COMMD10: variants seen among roughly 807,000 people sequenced by gnomAD.
COMMD10 encodes the protein COMM domain-containing protein 10.
COMMD10 carries 33 observed loss-of-function variants against 28.9 expected under a neutral mutation model. The ratio of observed to expected loss-of-function variants is 1.14; its 90% confidence interval spans 0.87 to 1.53. COMMD10 has a LOEUF of 1.53. COMMD10 is among the 40% of genes most tolerant of loss of function. The probability of loss-of-function intolerance (pLI) is 0.00; values close to 1 mark genes in which losing one functional copy is unlikely to be tolerated. For missense variants in COMMD10, 310 were observed against 233.4 expected, an observed-to-expected ratio of 1.33 and a Z score of -2.14; for synonymous variants, 110 against 81.7, an observed-to-expected ratio of 1.35 and a Z score of -1.87.
chr5:116,108,081 C>G (rs946071574), intron 4 of COMMD10, among the ~76,000 whole-genome samples: 2 of 152,164 alleles, frequency 1.3e-5, no homozygotes, highest in African/African-American at 2.4e-5. Flanking sequence ...GATGCCAGCC[C>G]CAGCTCTCCT....
intron 5 of COMMD10, among the ~76,000 whole-genome samples, chr5:116,227,300 T>A (rs80311946): frequency 0.013 from 2,006 of 152,154 alleles, 52 homozygotes; most frequent in African/African-American, 0.046. Flanking sequence ...TTGATTTCCT[T>A]TGAACAAACA....
chr5:116,286,414 GTT>G (rs550622190), intron 5 of COMMD10, among the ~76,000 whole-genome samples: 1 of 140,170 alleles, frequency 7.1e-6, no homozygotes. Context: ...TGACCTTAGG[GTT>G]TTTTTTTTTT....
intron 5 of COMMD10, among the ~76,000 whole-genome samples, chr5:116,193,942 GA>G (rs1471772248): frequency 6.6e-6 from 1 of 152,002 alleles, no homozygotes; most frequent in East Asian, 1.9e-4. Context: ...ATAAATTTAA[GA>G]AAACTGAAAT....
chr5:116,193,641 A>C (rs1004555745), intron 5 of COMMD10, among the ~76,000 whole-genome samples: 5 of 152,132 alleles, frequency 3.3e-5, no homozygotes, highest in Admixed American at 3.3e-4. Flanking sequence ...AAACATATGC[A>C]CCTAACACTG....
intron 5 of COMMD10, among the ~76,000 whole-genome samples, chr5:116,148,046 TATA>T (rs1225255438): frequency 6.6e-6 from 1 of 151,836 alleles, no homozygotes; most frequent in East Asian, 1.9e-4. Context: ...TTTTGGTAAA[TATA>T]ATTTATTTAT....
At position 116,186,933 on chromosome 5, in the gene COMMD10, C is replaced by T. The variant is rs148809281; in HGVS notation, c.510+52755C>T. On this transcript the variant is annotated intron_variant, in intron 5 of 6. Transcript: ENST00000274458. ...ATATATACTTTTCCATTATTGTCCT[C>T]TCCTTTTTGCTTTAAAAATAACTAG... 1.4e-4 allele frequency among the ~76,000 whole-genome samples: 22 copies of T among 152,286 alleles called. No individual in the cohort carries two copies. The East Asian group carries it at 3.5e-3, about 24-fold the overall frequency.
In COMMD10 at chr5:116,212,496, C is replaced by CTGTGTGTGTGTGTGTGTGTGTGTGTG. The variant is rs11268771; in HGVS notation, c.510+78320_510+78345dup. On this transcript the variant is annotated intron_variant, in intron 5 of 6. Coordinates refer to ENST00000274458, the MANE Select transcript of COMMD10 (RefSeq NM_016144.4). Reference sequence around the variant, plus strand: ...TCCAGTGACAGAAGGTACTGAAATGCTGTGTGTGTGTGTGTGTGTGTGTGT... The same window carrying CTGTGTGTGTGTGTGTGTGTGTGTGTG: ...TCCAGTGACAGAAGGTACTGAAATGCTGTGTGTGTGTGTGTGTGTGTGTGTGTGTGTGTGTGTGTGTGTGTGTGTGT... Among the ~76,000 whole-genome samples the CTGTGTGTGTGTGTGTGTGTGTGTGTG allele has an allele frequency of 5.4e-3, 342 of 63,846 alleles. 9 individuals are homozygous for CTGTGTGTGTGTGTGTGTGTGTGTGTG. The highest frequency in any genetic ancestry group is 0.028 in the East Asian group (58 of 2,104). 41.9% of individuals were successfully genotyped at this position (63,846 alleles called of 152,430 possible).
chr5:116,130,616 G>A (rs1751833280), intron 4 of COMMD10, among the ~76,000 whole-genome samples: 1 of 152,048 alleles, frequency 6.6e-6, no homozygotes, highest in Non-Finnish European at 1.5e-5. Context: ...GCGTTTTTCT[G>A]AGACAAGTTT....
chr5:116,250,069 A>G (rs1320539809), intron 5 of COMMD10, among the ~76,000 whole-genome samples: 3 of 151,886 alleles, frequency 2.0e-5, no homozygotes, highest in South Asian at 2.1e-4. Flanking sequence ...ATGTATTACC[A>G]TAGTTGATCT....
intron 5 of COMMD10, among the ~76,000 whole-genome samples, chr5:116,181,106 T>G (rs1326725695): frequency 6.6e-6 from 1 of 152,070 alleles, no homozygotes; most frequent in African/African-American, 2.4e-5. Context: ...ATTGTGCCAC[T>G]GTACTTCAGC....
Position 116,248,469 on chromosome 5 carries a change from G to C in COMMD10, c.511-43048G>C, listed in dbSNP as rs148090221. Among the ~76,000 whole-genome samples the C allele has an allele frequency of 6.6e-4, 101 of 152,132 alleles. 2 individuals are homozygous for C. In the East Asian group the frequency reaches 0.014, roughly 22 times the overall value. On this transcript the variant is annotated intron_variant, in intron 5 of 6. Transcript: ENST00000274458. ...TCCGGAAAGGTAAAGGAAGATAGGA[G>C]AGAGTAAAGCCCTTAGTGCTGATCT...
chr5:116,255,663 A>C (rs1580588133), intron 5 of COMMD10: 1 of 151,600 alleles, frequency 6.6e-6, no homozygotes, highest in Admixed American at 6.6e-5. Context: ...TTTTAGTTTG[A>C]ATTTAATAAT....
intron 5 of COMMD10, among the ~76,000 whole-genome samples, chr5:116,181,780 T>TC (rs1255494274): frequency 6.6e-6 from 1 of 152,104 alleles, no homozygotes; most frequent in Non-Finnish European, 1.5e-5. Flanking sequence ...GGCAACATGA[T>TC]CTTGCTTATC....
intron 5 of COMMD10, among the ~76,000 whole-genome samples, chr5:116,267,186 A>T (rs575509722): frequency 6.6e-6 from 1 of 152,056 alleles, no homozygotes; most frequent in East Asian, 1.9e-4. Flanking sequence ...ATGATTGTGT[A>T]TTTAGAAAAC....
chr5:116,280,318 G>T (rs1751038493), intron 5 of COMMD10, among the ~76,000 whole-genome samples: 1 of 151,850 alleles, frequency 6.6e-6, no homozygotes, highest in Admixed American at 6.6e-5. Context: ...CTCTGCCTAG[G>T]ATGCTTTGCT....
At chr5:116,189,422 T>C (rs1042573864) in intron 5 of COMMD10, among the ~76,000 whole-genome samples, 2 of 152,266 alleles carry the variant, frequency 1.3e-5, no homozygotes, top group South Asian at 4.2e-4. Flanking sequence ...TCCTAGGCTG[T>C]CTTTTTTCCA....
In COMMD10 at chr5:116,159,099, C is replaced by T. The variant is rs1046092213; in HGVS notation, c.510+24921C>T. Among the ~76,000 whole-genome samples, 191 of 152,162 alleles carry T rather than the reference C, an allele frequency of 1.3e-3. 1 individual carries two copies. Among genetic ancestry groups the T allele is most frequent in the African/African-American group, 4.4e-3 (182 of 41,436 alleles). On this transcript the variant is annotated intron_variant, in intron 5 of 6. Transcript: ENST00000274458. Reference sequence around the variant, plus strand: ...TTTGTCTTCTATAGTGTGTTGTTCTCATAATAGTCATACTTTTAAAATATA... The same window carrying T: ...TTTGTCTTCTATAGTGTGTTGTTCTTATAATAGTCATACTTTTAAAATATA...
intron 5 of COMMD10, among the ~76,000 whole-genome samples, chr5:116,242,080 A>G (rs1749830395): frequency 6.6e-6 from 1 of 152,176 alleles, no homozygotes; most frequent in South Asian, 2.1e-4. Context: ...ACTCTAATGT[A>G]CATTCCTTAA....
intron 5 of COMMD10, among the ~76,000 whole-genome samples, chr5:116,226,805 A>C (rs1009345301): frequency 2.6e-5 from 4 of 152,172 alleles, no homozygotes; most frequent in Non-Finnish European, 4.4e-5. Context: ...AGGACAAAAC[A>C]TAAATGTGGA....
Sources: allele counts gnomAD v4.1 joint callset (sites outside exome capture counted in the v4.1 genomes callset), GRCh38; gene constraint gnomAD v4.1.1; transcripts MANE v1.5; gene names NCBI Gene and HGNC (gene_info 2026-07-23, HGNC 2026-07-21).